The following CAMSAP1 variants were observed in gnomAD, a reference collection of about 807,000 sequenced individuals.
CAMSAP1 encodes calmodulin regulated spectrin associated protein 1, also known as calmodulin-regulated spectrin-associated protein 1.
A neutral mutation model predicts 143.5 loss-of-function variants in CAMSAP1; 58 were observed. The ratio of observed to expected loss-of-function variants is 0.40; its 90% CI spans 0.33 to 0.50. The LOEUF (loss-of-function observed/expected upper bound fraction) is 0.50, where lower values mean the gene tolerates loss of function less well. Among genes scored for constraint, CAMSAP1 ranks in the 20% least tolerant of loss-of-function variants. CAMSAP1 has a pLI of 0.45. For missense variants in CAMSAP1, 1,969 were observed against 2,115.7 expected, an observed-to-expected ratio of 0.93 and a Z score of 1.36; for synonymous variants, 945 against 859.3, an observed-to-expected ratio of 1.10 and a Z score of -1.74.
chr9:135,903,593 A>G (rs1418986768), intron 1 of CAMSAP1, among the ~76,000 whole-genome samples: 2 of 152,266 alleles, frequency 1.3e-5, no homozygotes, highest in African/African-American at 2.4e-5. Context: ...ATGCAAAACA[A>G]GACAGCAGCC....
rs1835585607 is a variant in CAMSAP1 at position 135,824,040 on chromosome 9, G to A, written c.1316-6C>T. 6.4e-7 allele frequency: 1 copy of A among 1,573,034 alleles called. No homozygotes were observed. The highest frequency in any genetic ancestry group is 8.6e-7 in the Non-Finnish European group (1 of 1,158,010). On this transcript the variant is annotated splice_region_variant and splice_polypyrimidine_tract_variant and intron_variant, in intron 9 of 16. Coordinates refer to ENST00000389532, the MANE Select transcript of CAMSAP1 (RefSeq NM_015447.4). The surrounding 1 kb of genome is among the most constrained non-coding windows in gnomAD (Gnocchi z 4.1). ...ATTCGATCGATGTCGCTGATCTGCA[G>A]TACAGAGGAATTAGATAGTGTTAAG...
rs535782886 is a variant in CAMSAP1, at chr9:135,867,464, G to T, written c.586-928C>A. 2.8e-5 allele frequency among the ~76,000 whole-genome samples: 4 copies of T among 145,026 alleles called. No individual in the cohort carries two copies. The South Asian group carries it at 8.9e-4, about 32-fold the overall frequency. On this transcript the variant is annotated intron_variant, in intron 3 of 16. Transcript: ENST00000389532. ...ACCGCACGCCAGCCTAGGCAACACA[G>T]CAAGACCCCCCTCTTTTTTTTTTTT...
At position 135,812,800 on chromosome 9, in the gene CAMSAP1, C is replaced by G. The variant is rs187655142; in HGVS notation, c.4507-1189G>C. The stretch of plus-strand genomic sequence containing the variant: ...CCTGGCCAATATGGTGAAACCCCAT[C>G]TCTACTAAGGATACAAAAATTAGCC... On this transcript the variant is annotated intron_variant, in intron 16 of 16. Coordinates refer to ENST00000389532, the MANE Select transcript of CAMSAP1 (RefSeq NM_015447.4). Among the ~76,000 whole-genome samples the G allele has an allele frequency of 2.1e-4, 32 of 152,240 alleles. No homozygotes were observed. The Middle Eastern group carries it at 0.01, about 49-fold the overall frequency.
chr9:135,862,714 C>G, intron 4 of CAMSAP1, 106 bp from the exon 5 acceptor site: 1 of 1,156,910 alleles, frequency 8.6e-7, no homozygotes, highest in Non-Finnish European at 1.2e-6. Context: ...GCCTAACAGA[C>G]AACATGGAGA....
Position 135,882,215 on chromosome 9 carries a change from C to G in CAMSAP1, c.424-421G>C, listed in dbSNP as rs1018209983. Reference sequence around the variant, plus strand: ...TCTGGCTCCTAGTCCAGAGCTCTACCTGCTACAGCTGCACCACGCCTTAGT... The same window carrying G: ...TCTGGCTCCTAGTCCAGAGCTCTACGTGCTACAGCTGCACCACGCCTTAGT... On this transcript the variant is annotated intron_variant, in intron 2 of 16. Coordinates refer to ENST00000389532, the MANE Select transcript of CAMSAP1 (RefSeq NM_015447.4). This position sits in a 1 kb window ranked among gnomAD's most constrained non-coding sequence, Gnocchi z 4.9. Among the ~76,000 whole-genome samples the G allele has an allele frequency of 2.0e-5, 3 of 152,198 alleles. No individual in the cohort carries two copies. Among genetic ancestry groups the G allele is most frequent in the Non-Finnish European group, 2.9e-5 (2 of 68,036 alleles).
chr9:135,838,651 C>T (rs1172546610), intron 7 of CAMSAP1, among the ~76,000 whole-genome samples: 2 of 150,318 alleles, frequency 1.3e-5, no homozygotes, highest in Non-Finnish European at 3.0e-5. Flanking sequence ...TCTACAGACA[C>T]ACATCATCAC....
chr9:135,854,700 C>A (rs143032812), intron 5 of CAMSAP1, among the ~76,000 whole-genome samples: 70 of 152,082 alleles, frequency 4.6e-4, no homozygotes, highest in Non-Finnish European at 8.2e-4. Flanking sequence ...ATGATCCCCC[C>A]GCCTCAGCCT....
intron 4 of CAMSAP1, among the ~76,000 whole-genome samples, chr9:135,866,001 G>T (rs985553957): frequency 6.6e-6 from 1 of 152,236 alleles, no homozygotes; most frequent in African/African-American, 2.4e-5. Flanking sequence ...CCCAGCCATC[G>T]TGCTACTTCA....
In CAMSAP1 at chr9:135,811,407, T is replaced by G; in HGVS notation, c.4711A>C (p.Lys1571Gln). Residue 1571 changes from lysine (K) to glutamine (Q), a missense_variant, in exon 17 of 17, where the codon AAA (lysine) becomes CAA (glutamine). Physicochemically the swap from Lys to Gln is moderately conservative, Grantham distance 53. Transcript: ENST00000389532. The surrounding 1 kb of genome is among the most constrained non-coding windows in gnomAD (Gnocchi z 4.9). ...GCGTCCACACTGACAGACATGGTTT[T>G]GGCTGGGATCAAGTTAAACTGTTTT... ...DRKQFNLIPA[K>Q]TMSVSVDALT... 1 of 1,613,096 alleles carries G rather than the reference T, an allele frequency of 6.2e-7. No homozygotes were observed. Among genetic ancestry groups the G allele is most frequent in the East Asian group, 2.2e-5 (1 of 44,880 alleles).
chr9:135,906,929 G>C (rs1838800809), intron 1 of CAMSAP1, 71 bp downstream of exon 1: 1 of 871,358 alleles, frequency 1.1e-6, no homozygotes, highest in Non-Finnish European at 1.4e-6. Context: ...CGACCCGGCC[G>C]GACCCCGGCC....
At chr9:135,853,603 C>T (rs765364475) in intron 5 of CAMSAP1, among the ~76,000 whole-genome samples, 66 of 152,300 alleles carry the variant, frequency 4.3e-4, no homozygotes, top group Non-Finnish European at 7.8e-4. Context: ...ATAGAAAAGC[C>T]GATGGATTTT....
intron 7 of CAMSAP1, among the ~76,000 whole-genome samples, chr9:135,846,107 A>G (rs1045661099): frequency 6.7e-6 from 1 of 148,864 alleles, no homozygotes; most frequent in African/African-American, 2.5e-5. Context: ...AGCTGGAGGC[A>G]TCATGCTACC....
chr9:135,819,826 G>T (rs1467643424), intron 11 of CAMSAP1, among the ~76,000 whole-genome samples: 1 of 151,152 alleles, frequency 6.6e-6, no homozygotes, highest in Admixed American at 6.6e-5. Context: ...CAGCCTGGGC[G>T]ACAGAGCCAG....
rs377509033 is a variant in CAMSAP1 at position 135,818,667 on chromosome 9, G to A, written c.3960-51C>T. 152 of 1,587,410 alleles carry A rather than the reference G, an allele frequency of 9.6e-5. No individual in the cohort carries two copies. The highest frequency in any genetic ancestry group is 1.2e-4 in the Non-Finnish European group (143 of 1,164,734). On this transcript the variant is annotated intron_variant, in intron 12 of 16. Coordinates refer to ENST00000389532, the MANE Select transcript of CAMSAP1 (RefSeq NM_015447.4). The surrounding 1 kb of genome is among the most constrained non-coding windows in gnomAD (Gnocchi z 7.7). Reference sequence around the variant, plus strand: ...TGCTCGGTCACGGGGCTTCTTCCACGACGCCTGCGCCGCGGCGCTCTGTCC... The same window carrying A: ...TGCTCGGTCACGGGGCTTCTTCCACAACGCCTGCGCCGCGGCGCTCTGTCC...
intron 7 of CAMSAP1, among the ~76,000 whole-genome samples, chr9:135,832,624 T>C (rs1279593727): frequency 2.0e-5 from 3 of 152,186 alleles, no homozygotes; most frequent in Non-Finnish European, 2.9e-5. Context: ...TCCAAGGTCC[T>C]ACACATAGAA....
chr9:135,821,855 C>T lies in CAMSAP1; in HGVS notation c.2806G>A (p.Ala936Thr), dbSNP rs1195391500. Reference sequence around the variant, plus strand: ...CCGTTGTGCTGAGAGTACTCCTTTGCAAAGTGCTCCGGCCTGAGGGGTGGG... The same window carrying T: ...CCGTTGTGCTGAGAGTACTCCTTTGTAAAGTGCTCCGGCCTGAGGGGTGGG... ...AAPPLRPEHF[A>T]KEYSQHNGED... Residue 936 changes from alanine (A) to threonine (T), a missense_variant, in exon 11 of 17, where the codon GCA becomes ACA. Ala to Thr is a moderately conservative substitution (Grantham distance 58). Coordinates refer to ENST00000389532, the MANE Select transcript of CAMSAP1 (RefSeq NM_015447.4). The surrounding 1 kb of genome is among the most constrained non-coding windows in gnomAD (Gnocchi z 4.6). The T allele has an allele frequency of 6.2e-7, 1 of 1,614,048 alleles. No homozygotes were observed. The highest frequency in any genetic ancestry group is 1.1e-5 in the South Asian group (1 of 91,088).
chr9:135,881,152 G>A (rs1837932530), intron 3 of CAMSAP1, among the ~76,000 whole-genome samples: 1 of 151,820 alleles, frequency 6.6e-6, no homozygotes, highest in African/African-American at 2.4e-5. Flanking sequence ...AGACCAGCCT[G>A]GGCAACACAG....
At chr9:135,892,916 C>A (rs1007704418) in intron 1 of CAMSAP1, among the ~76,000 whole-genome samples, 3 of 144,988 alleles carry the variant, frequency 2.1e-5, no homozygotes, top group Admixed American at 1.4e-4. Context: ...CATCTATAAT[C>A]TCAACACTTT....
rs527568942 is a variant in CAMSAP1, at chr9:135,808,711, GGTGCACGCACACAGCCAT to G, written c.*2580_*2597del. 2.1e-4 allele frequency: 32 copies of G among 152,212 alleles called. No individual in the cohort carries two copies. Among genetic ancestry groups the G allele is most frequent in the Admixed American group, 7.9e-4 (12 of 15,286 alleles). 9.4% of individuals were successfully genotyped at this position (152,212 alleles called of 1,614,324 possible). ...GACACATGGAAAGCAGTCCATCTTT[GGTGCACGCACACAGCCAT>G]GTGCACGCACACGTGTGGGTAGAAC... On this transcript the variant is annotated 3_prime_UTR_variant, in exon 17 of 17. Coordinates refer to ENST00000389532, the MANE Select transcript of CAMSAP1 (RefSeq NM_015447.4).
Sources: allele counts gnomAD v4.1 joint callset (sites outside exome capture counted in the v4.1 genomes callset), GRCh38; gene constraint gnomAD v4.1.1; non-coding constraint Gnocchi (gnomAD v3.1); transcripts MANE v1.5; gene names NCBI Gene and HGNC (gene_info 2026-07-23, HGNC 2026-07-21).